TMEM9B: variants seen among roughly 807,000 people sequenced by gnomAD.
TMEM9B encodes transmembrane protein 9B.
Under a neutral mutation model 23.5 loss-of-function variants are expected in TMEM9B, and 8 were observed. That is an observed-to-expected ratio of 0.34 (90% CI 0.20 to 0.61). TMEM9B has a LOEUF of 0.61. Among genes scored for constraint, TMEM9B ranks in the 20% least tolerant of loss-of-function variants. The pLI, the probability that TMEM9B is intolerant of heterozygous loss-of-function variation, is 0.78. For missense variants in TMEM9B, 197 were observed against 252.3 expected, an observed-to-expected ratio of 0.78 and a Z score of 1.49; for synonymous variants, 106 against 96.3, an observed-to-expected ratio of 1.10 and a Z score of -0.59.
upstream of TMEM9B, chr11:8,964,480 C>T (rs894016438): frequency 7.3e-5 from 104 of 1,418,296 alleles, no homozygotes; most frequent in Admixed American, 1.5e-4. Context: ...GGGTCAGATG[C>T]AAAAAGCATC....
chr11:8,956,690 T>C (rs1335775358), intron 2 of TMEM9B, among the ~76,000 whole-genome samples: 1 of 152,138 alleles, frequency 6.6e-6, no homozygotes, highest in Admixed American at 6.6e-5. Flanking sequence ...AATATAAGAT[T>C]ATCTCTTTTG....
chr11:8,963,938 G>A (rs1014947195), intron 1 of TMEM9B: 1 of 494,788 alleles, frequency 2.0e-6, no homozygotes, highest in Non-Finnish European at 3.6e-6. Flanking sequence ...GAAATGTTAA[G>A]GCGGTGGGGG....
At chr11:8,964,549 C>CCGGGG, upstream of TMEM9B, 1 of 1,254,628 alleles carries the variant, frequency 8.0e-7, no homozygotes, top group African/African-American at 1.6e-5. Context: ...CTGGTGCCCG[C>CCGGGG]CTTGGCCTAG....
intron 4 of TMEM9B, among the ~76,000 whole-genome samples, chr11:8,952,282 T>TAC (rs1491297938): frequency 4.6e-4 from 2 of 4,358 alleles, no homozygotes; most frequent in Non-Finnish European, 4.0e-3. Context: ...ACACACACGC[T>TAC]ATATATATAT....
chr11:8,951,640 T>C lies in TMEM9B; in HGVS notation c.441+1563A>G, dbSNP rs1427605850. On this transcript the variant is annotated intron_variant, in intron 4 of 4. Coordinates refer to ENST00000534025, the MANE Select transcript of TMEM9B (RefSeq NM_020644.3). ...GGGCGCGATGGCGGGCGCCTGTAGTTCCAGCTACTTGGGAGGCTGAGGCAG... is the reference window on the plus strand; with the variant it reads ...GGGCGCGATGGCGGGCGCCTGTAGTCCCAGCTACTTGGGAGGCTGAGGCAG... Among the ~76,000 whole-genome samples, 73 of 150,622 alleles carry C rather than the reference T, an allele frequency of 4.8e-4. 1 individual carries two copies. Among genetic ancestry groups the C allele is most frequent in the Admixed American group, 4.1e-3 (62 of 15,126 alleles).
At chr11:8,959,950 G>A (rs951370467) in intron 2 of TMEM9B, among the ~76,000 whole-genome samples, 3 of 152,044 alleles carry the variant, frequency 2.0e-5, no homozygotes, top group Admixed American at 6.6e-5. Context: ...TGGAGGCCTC[G>A]TAAAGCCATA....
chr11:8,964,159 C>G (rs1330245602), intron 1 of TMEM9B, 50 bp downstream of exon 1: 6 of 1,531,630 alleles, frequency 3.9e-6, no homozygotes, highest in Non-Finnish European at 5.3e-6. Flanking sequence ...TCCGCAAGGC[C>G]GGTGGTAGGG....
chr11:8,950,599 T>A (rs780810297), intron 4 of TMEM9B, among the ~76,000 whole-genome samples: 2 of 152,244 alleles, frequency 1.3e-5, no homozygotes, highest in Non-Finnish European at 2.9e-5. Context: ...TTGAACTAGC[T>A]GCTCATGGTC....
intron 4 of TMEM9B, among the ~76,000 whole-genome samples, chr11:8,951,957 A>G (rs1023383782): frequency 6.6e-6 from 1 of 151,330 alleles, no homozygotes; most frequent in South Asian, 2.1e-4. Context: ...AATACAAAAA[A>G]AATTAGCCAG....
chr11:8,963,867 A>G (rs1388219387), intron 1 of TMEM9B: 4 of 285,438 alleles, frequency 1.4e-5, no homozygotes, highest in Non-Finnish European at 6.6e-6. Flanking sequence ...TGGAAAGTTA[A>G]AGGCTCTCGG....
chr11:8,964,392 C>CAGGCTT lies in TMEM9B; in HGVS notation c.-80_-79insAAGCCT, dbSNP rs1854156357. On this transcript the variant is annotated 5_prime_UTR_variant, in exon 1 of 5. Transcript: ENST00000534025. ...TCGGGCTCAGGCTCAGGCTCAGGCT[C>CAGGCTT]AGGCACAGGCTTGGGACCCGGCTGG... is the stretch of plus-strand genomic sequence containing the variant. 6.6e-7 allele frequency: 1 copy of CAGGCTT among 1,511,520 alleles called. No individual in the cohort carries two copies. The highest frequency in any genetic ancestry group is 8.8e-7 in the Non-Finnish European group (1 of 1,132,934). 93.6% of individuals were successfully genotyped at this position (1,511,520 alleles called of 1,614,324 possible). A position where few individuals can be genotyped will look rare whatever the true frequency, so the allele number is the denominator to read the frequency against.
At chr11:8,956,062 G>T in intron 3 of TMEM9B, 128 bp downstream of exon 3, 1 of 678,026 alleles carries the variant, frequency 1.5e-6, no homozygotes, top group Non-Finnish European at 2.4e-6. Context: ...AGTGAGGCAG[G>T]CAGAACAGGC....
At position 8,962,110 on chromosome 11, in the gene TMEM9B, T is replaced by G; in HGVS notation, c.179A>C (p.Asn60Thr). The G allele has an allele frequency of 6.3e-7, 1 of 1,595,594 alleles. No individual in the cohort carries two copies. Among genetic ancestry groups the G allele is most frequent in the Non-Finnish European group, 8.5e-7 (1 of 1,171,428 alleles). ...TACTTACCAATCTTTCTGAGATATG[T>G]TCTTATTATAAATATGCCCAGAATT... ...KENSGHIYNK[N>T]ISQKDCDCLH... is the part of the protein sequence containing the mutation. The change falls in exon 2 of 5, where the codon AAC (asparagine) becomes ACC (threonine). Residue 60 changes from asparagine (N) to threonine (T), a missense_variant. By Grantham distance (65) the Asn-to-Thr change is moderately conservative (BLOSUM62 0). Around this residue, in one of 2 missense-constraint regions of TMEM9B, gnomAD observed 141 missense variants for 214.1 expected, o/e 0.66. Transcript: ENST00000534025.
At chr11:8,956,408 G>A in intron 2 of TMEM9B, 110 bp from the exon 3 acceptor site, 1 of 720,006 alleles carries the variant, frequency 1.4e-6, no homozygotes, top group Non-Finnish European at 2.2e-6. Context: ...CAATGAAAGA[G>A]CATAAAAAAC....
upstream of TMEM9B, chr11:8,964,549 C>T: frequency 1.6e-6 from 2 of 1,254,630 alleles, no homozygotes; most frequent in Non-Finnish European, 2.1e-6. Flanking sequence ...CTGGTGCCCG[C>T]CTTGGCCTAG....
intron 4 of TMEM9B, among the ~76,000 whole-genome samples, chr11:8,949,667 G>GT (rs1244784110): frequency 3.3e-5 from 5 of 152,164 alleles, no homozygotes; most frequent in African/African-American, 1.2e-4. Flanking sequence ...ACCTGGTCTT[G>GT]TTTTTATAGC....
chr11:8,962,463 G>C (rs1854097937), intron 1 of TMEM9B, among the ~76,000 whole-genome samples: 1 of 152,128 alleles, frequency 6.6e-6, no homozygotes, highest in African/African-American at 2.4e-5. Context: ...ATCAAATTAT[G>C]TTAATGTTAT....
chr11:8,958,094 G>A (rs1357510819), intron 2 of TMEM9B, among the ~76,000 whole-genome samples: 1 of 148,870 alleles, frequency 6.7e-6, no homozygotes, highest in Non-Finnish European at 1.5e-5. Flanking sequence ...GGGAGGTGGA[G>A]GTTACGGTCA....
chr11:8,955,713 C>T (rs1033169505), intron 3 of TMEM9B, among the ~76,000 whole-genome samples: 4 of 151,676 alleles, frequency 2.6e-5, no homozygotes, highest in Admixed American at 2.0e-4. Context: ...TGCTCACTTG[C>T]CCACTGCTCA....
Sources: gnomAD v4.1 joint callset for allele counts (sites outside exome capture counted in the v4.1 genomes callset) on GRCh38, gnomAD v4.1.1 for gene constraint, gnomAD v4.1.1 regional missense constraint, MANE v1.5 for transcripts, NCBI Gene and HGNC (gene_info 2026-07-23, HGNC 2026-07-21) for gene names.